ST3GAL3: variants seen among roughly 807,000 people sequenced by gnomAD.
The protein encoded by ST3GAL3 is CMP-N-acetylneuraminate-beta-1,4-galactoside alpha-2,3-sialyltransferase.
ST3GAL3 carries 21 observed loss-of-function variants against 50.1 expected under a neutral mutation model. That is an observed-to-expected ratio of 0.42 (90% CI 0.30 to 0.60). ST3GAL3 has a LOEUF of 0.60. ST3GAL3 is among the 20% of genes least tolerant of loss of function. ST3GAL3 has a pLI of 0.19. For missense variants in ST3GAL3, 353 were observed against 489.4 expected (o/e 0.72, Z 2.63); for synonymous variants, 183 against 190.0 (o/e 0.96, Z 0.30).
chr1:43,894,157 C>G lies in ST3GAL3; in HGVS notation c.303-226C>G, dbSNP rs61770288. 0.03 allele frequency: 16,859 copies of G among 565,294 alleles called. 527 individuals are homozygous for G. The highest frequency in any genetic ancestry group is 0.12 in the Admixed American group (4,381 of 37,878). 35.0% of individuals were successfully genotyped at this position (565,294 alleles called of 1,614,324 possible). A position where few individuals can be genotyped will look rare whatever the true frequency, so the allele number is the denominator to read the frequency against. ...CTTGTCTCTCCACTCCTACAGCTAG[C>G]CAAATAAAGACTGACCAGGCCTACT... On this transcript the variant is annotated intron_variant, in intron 5 of 11. Coordinates refer to ENST00000347631, the MANE Select transcript of ST3GAL3 (RefSeq NM_006279.5).
At chr1:43,814,405 T>A (rs2060990117) in intron 3 of ST3GAL3, among the ~76,000 whole-genome samples, 1 of 152,242 alleles carries the variant, frequency 6.6e-6, no homozygotes, top group African/African-American at 2.4e-5. Context: ...TGCTATTCTT[T>A]ATGTAATCTG....
chr1:43,842,185 C>T (rs1574058877), intron 5 of ST3GAL3: 1 of 152,226 alleles, frequency 6.6e-6, no homozygotes. Context: ...TTTAACCAGT[C>T]TCTAAGAAGT....
chr1:43,726,311 G>A (rs1571506579), intron 1 of ST3GAL3, among the ~76,000 whole-genome samples: 1 of 152,204 alleles, frequency 6.6e-6, no homozygotes, highest in East Asian at 1.9e-4. Flanking sequence ...ATAAGAGATA[G>A]GGTCTTGCTC....
chr1:43,834,112 G>A (rs2063932699), intron 4 of ST3GAL3, among the ~76,000 whole-genome samples: 1 of 152,160 alleles, frequency 6.6e-6, no homozygotes, highest in Non-Finnish European at 1.5e-5. Context: ...AGTGAGCCGA[G>A]ATCATGCCAC....
intron 5 of ST3GAL3, among the ~76,000 whole-genome samples, chr1:43,877,764 A>G (rs531051638): frequency 2.6e-5 from 4 of 152,286 alleles, no homozygotes; most frequent in Admixed American, 6.5e-5. Context: ...ACTGTAAGCA[A>G]TGATTGGATG....
intron 5 of ST3GAL3, among the ~76,000 whole-genome samples, chr1:43,875,439 T>C (rs1486988931): frequency 6.6e-6 from 1 of 152,052 alleles, no homozygotes; most frequent in Admixed American, 6.5e-5. Flanking sequence ...AGTTTACCAC[T>C]TTCTATGTTT....
At chr1:43,729,857 C>G (rs1014433713) in intron 1 of ST3GAL3, among the ~76,000 whole-genome samples, 3 of 152,174 alleles carry the variant, frequency 2.0e-5, no homozygotes, top group Non-Finnish European at 4.4e-5. Context: ...GGGATAGTTT[C>G]TTAGAAGTGA....
intron 5 of ST3GAL3, among the ~76,000 whole-genome samples, chr1:43,852,211 C>T (rs924555227): frequency 1.3e-5 from 2 of 152,180 alleles, no homozygotes; most frequent in Non-Finnish European, 2.9e-5. Context: ...TTTCCTCCCT[C>T]GAGTATTGCT....
rs540408145 is a variant in ST3GAL3 at position 43,908,629 on chromosome 1, C to CTTTT, written c.744+8915_744+8918dup. Among the ~76,000 whole-genome samples the CTTTT allele has an allele frequency of 2.6e-3, 368 of 140,688 alleles. 2 individuals carry two copies. The highest frequency in any genetic ancestry group is 9.1e-3 in the African/African-American group (349 of 38,282). The allele number at this position is 140,688 out of a possible 152,430, so 92.3% of individuals were successfully genotyped here. On this transcript the variant is annotated intron_variant, in intron 9 of 11. Transcript: ENST00000347631. The stretch of plus-strand genomic sequence containing the variant: ...CAAGCCTTCCCTTCTCCTTGCCACT[C>CTTTT]TTTTTTTTTTTTTTTTGAAATGGAG...
intron 1 of ST3GAL3, among the ~76,000 whole-genome samples, chr1:43,718,416 C>T (rs1324864996): frequency 6.6e-6 from 1 of 151,090 alleles, no homozygotes; most frequent in Admixed American, 6.6e-5. Context: ...GTCTCGATCT[C>T]CCGATCTCAT....
At chr1:43,825,006 G>T in intron 4 of ST3GAL3, 1 of 701,332 alleles carries the variant, frequency 1.4e-6, no homozygotes, top group Middle Eastern at 2.3e-4. Flanking sequence ...AAATCTGCCT[G>T]TACATAGGAG....
At chr1:43,779,262 A>G (rs916706931) in intron 2 of ST3GAL3, among the ~76,000 whole-genome samples, 1 of 152,174 alleles carries the variant, frequency 6.6e-6, no homozygotes, top group African/African-American at 2.4e-5. Context: ...CAGACTCTTC[A>G]TTGGCCCTAT....
intron 5 of ST3GAL3, among the ~76,000 whole-genome samples, chr1:43,882,886 A>G (rs1042620072): frequency 6.6e-6 from 1 of 152,176 alleles, no homozygotes; most frequent in African/African-American, 2.4e-5. Context: ...GCGTCCAAAT[A>G]TGAAATCTCA....
At chr1:43,779,025 C>T (rs939553759) in intron 2 of ST3GAL3, among the ~76,000 whole-genome samples, 6 of 151,626 alleles carry the variant, frequency 4.0e-5, no homozygotes, top group Middle Eastern at 3.2e-3. Context: ...TCACTGCAAC[C>T]TCCACCTCCC....
chr1:43,843,327 GAGA>G (rs1034607364), intron 5 of ST3GAL3, among the ~76,000 whole-genome samples: 4 of 152,166 alleles, frequency 2.6e-5, no homozygotes, highest in African/African-American at 4.8e-5. Flanking sequence ...TGCATATTTT[GAGA>G]AGATCATATG....
At position 43,814,952 on chromosome 1, in the gene ST3GAL3, T is replaced by C. The variant is rs1436497431; in HGVS notation, c.209+19T>C. ...CTAAACTGTGAGTAGAATGAGAAGA[T>C]ACCTTGGCTCTGTGGCAGAGAGGTC... On this transcript the variant is annotated intron_variant, in intron 4 of 11. Coordinates refer to ENST00000347631, the MANE Select transcript of ST3GAL3 (RefSeq NM_006279.5). 1 of 1,613,612 alleles carries C rather than the reference T, an allele frequency of 6.2e-7. No individual in the cohort carries two copies. Among genetic ancestry groups the C allele is most frequent in the Admixed American group, 1.7e-5 (1 of 60,024 alleles).
intron 2 of ST3GAL3, among the ~76,000 whole-genome samples, chr1:43,790,948 T>C (rs1425603040): frequency 1.3e-5 from 2 of 152,188 alleles, no homozygotes; most frequent in East Asian, 3.8e-4. Context: ...CATCTCTTTT[T>C]CTAAGGCCCA....
chr1:43,712,102 T>A (rs1665057175), intron 1 of ST3GAL3, among the ~76,000 whole-genome samples: 1 of 152,202 alleles, frequency 6.6e-6, no homozygotes, highest in Admixed American at 6.5e-5. Flanking sequence ...GGAATCTTAT[T>A]TTTGAGCCTA....
At chr1:43,714,432 CAAAAAAAAAAAAA>C (rs35400929) in intron 1 of ST3GAL3, among the ~76,000 whole-genome samples, 1 of 73,742 alleles carries the variant, frequency 1.4e-5, no homozygotes, top group Non-Finnish European at 2.4e-5. Flanking sequence ...TACTAAAATA[CAAAAAAAAAAAAA>C]AAAAAAAAAA....
Sources: allele counts gnomAD v4.1 joint callset (sites outside exome capture counted in the v4.1 genomes callset), GRCh38; gene constraint gnomAD v4.1.1; transcripts MANE v1.5; gene names NCBI Gene and HGNC (gene_info 2026-07-23, HGNC 2026-07-21).